Variants in PRKCH observed in about 807,000 individuals in gnomAD.
PRKCH encodes protein kinase C eta, also known as protein kinase C eta type.
PRKCH carries 28 observed loss-of-function variants against 82.5 expected under a neutral mutation model. The ratio of observed to expected loss-of-function variants is 0.34; its 90% CI spans 0.25 to 0.47. The LOEUF (loss-of-function observed/expected upper bound fraction) is 0.47, where lower values mean the gene tolerates loss of function less well. Ranked by LOEUF, PRKCH falls within the 20% of genes least tolerant of loss-of-function variation. The pLI is 1.00. For missense variants in PRKCH, 705 were observed against 881.8 expected (o/e 0.80, Z 2.54); for synonymous variants, 322 against 327.4 (o/e 0.98, Z 0.18).
intron 1 of PRKCH, among the ~76,000 whole-genome samples, chr14:61,235,314 C>G (rs1162623871): frequency 6.6e-6 from 1 of 152,232 alleles, no homozygotes; most frequent in Non-Finnish European, 1.5e-5. Context: ...AAACAGCATG[C>G]AATTCAGCTC....
At chr14:61,202,519 C>G (rs1224303115) in intron 1 of PRKCH, among the ~76,000 whole-genome samples, 1 of 152,164 alleles carries the variant, frequency 6.6e-6, no homozygotes, top group Non-Finnish European at 1.5e-5. Context: ...ATACAGGCCA[C>G]TTCAAAAGCA....
intron 1 of PRKCH, among the ~76,000 whole-genome samples, chr14:61,294,127 A>AT (rs531977419): frequency 0.031 from 4,561 of 146,824 alleles, 155 homozygotes; most frequent in East Asian, 0.13. Context: ...TTTTATTTTT[A>AT]TTTTTTTTTT....
chr14:61,200,051 G>A (rs756217675), intron 1 of PRKCH, among the ~76,000 whole-genome samples: 1 of 152,120 alleles, frequency 6.6e-6, no homozygotes, highest in Non-Finnish European at 1.5e-5. Context: ...CCCTTTAAAT[G>A]TATTAACAAG....
At chr14:61,514,251 G>A (rs1163011398) in intron 10 of PRKCH, among the ~76,000 whole-genome samples, 1 of 148,682 alleles carries the variant, frequency 6.7e-6, no homozygotes, top group Non-Finnish European at 1.5e-5. Flanking sequence ...TCCTGCAGTA[G>A]CCAGTTAAAT....
At position 61,280,100 on chromosome 14, in the gene PRKCH, C is replaced by A. The variant is rs2045242807; in HGVS notation, c.-19+92432C>A. The stretch of plus-strand genomic sequence containing the variant: ...TCCCTGGAAAGCCGGAATCACTCCT[C>A]GTCGTCGTCGTCCTGGTCCTGGTAG... On this transcript the variant is annotated intron_variant, in intron 1 of 3. Transcript: ENST00000555185. This position sits in a 1 kb window ranked among gnomAD's most constrained non-coding sequence, Gnocchi z 5.0. The A allele has an allele frequency of 1.2e-6, 2 of 1,605,234 alleles. No individual in the cohort carries two copies. The highest frequency in any genetic ancestry group is 1.7e-6 in the Non-Finnish European group (2 of 1,175,602).
At chr14:61,471,872 G>A (rs1005612999) in intron 9 of PRKCH, among the ~76,000 whole-genome samples, 6 of 152,074 alleles carry the variant, frequency 3.9e-5, no homozygotes, top group Non-Finnish European at 8.8e-5. Context: ...TGACTGTCAG[G>A]TGATTGTCTT....
chr14:61,287,168 G>T (rs1423765783), intron 1 of PRKCH, among the ~76,000 whole-genome samples: 1 of 124,532 alleles, frequency 8.0e-6, no homozygotes, highest in Non-Finnish European at 1.6e-5. Flanking sequence ...TCACACCACT[G>T]CACTTCAGCC....
chr14:61,304,985 A>T (rs2045476212), intron 1 of PRKCH: 2 of 151,420 alleles, frequency 1.3e-5, no homozygotes, highest in Admixed American at 6.6e-5. Flanking sequence ...TTTATTCTAT[A>T]TTTTTGGTTT....
At chr14:61,281,722 C>A (rs1162067377) in intron 1 of PRKCH, 1 of 166,786 alleles carries the variant, frequency 6.0e-6, no homozygotes, top group African/African-American at 2.4e-5. Flanking sequence ...CTGTTATTTG[C>A]GGGGAAAAGG....
At chr14:61,374,328 C>A (rs975269395) in intron 1 of PRKCH, among the ~76,000 whole-genome samples, 1 of 152,086 alleles carries the variant, frequency 6.6e-6, no homozygotes, top group African/African-American at 2.4e-5. Flanking sequence ...TGCAAGCTGT[C>A]AGTGGATCTA....
chr14:61,417,158 G>A (rs1258902658), intron 2 of PRKCH, among the ~76,000 whole-genome samples: 3 of 152,118 alleles, frequency 2.0e-5, no homozygotes, highest in African/African-American at 7.2e-5. Context: ...AGTATAGAAT[G>A]GGATTTTAAA....
chr14:61,430,400 T>C (rs540898391), intron 2 of PRKCH, among the ~76,000 whole-genome samples: 53 of 152,330 alleles, frequency 3.5e-4, no homozygotes, highest in African/African-American at 1.3e-3. Context: ...GGTCTGGCAG[T>C]TTCTTACAGA....
intron 9 of PRKCH, chr14:61,477,149 T>C (rs573553615): frequency 2.6e-5 from 4 of 152,204 alleles, no homozygotes; most frequent in Non-Finnish European, 5.9e-5. Flanking sequence ...GATTTCCTTC[T>C]CCTTTCCCCC....
chr14:61,280,873 C>T lies in PRKCH; in HGVS notation c.-19+93205C>T. The T allele has an allele frequency of 1.3e-6, 2 of 1,565,382 alleles. No homozygotes were observed. ...CAGCGAGAAGTACCAGGCGCACGAG[C>T]AGGGGGGCGGCAGCGCCCGGCCCTG... On this transcript the variant is annotated intron_variant, in intron 1 of 3. Coordinates refer to the PRKCH transcript ENST00000555185. This position sits in a 1 kb window ranked among gnomAD's most constrained non-coding sequence, Gnocchi z 5.0.
chr14:61,361,406 A>G (rs898534492), intron 1 of PRKCH, among the ~76,000 whole-genome samples: 3 of 152,206 alleles, frequency 2.0e-5, no homozygotes, highest in Non-Finnish European at 4.4e-5. Flanking sequence ...TAGGCAGAGC[A>G]GCTTTCTAAC....
intron 1 of PRKCH, among the ~76,000 whole-genome samples, chr14:61,367,958 C>G (rs1042582319): frequency 6.6e-6 from 1 of 151,976 alleles, no homozygotes; most frequent in Non-Finnish European, 1.5e-5. Context: ...TCGTGATCCG[C>G]CTGCCTTAGC....
At chr14:61,267,426 A>T (rs1594882407) in intron 1 of PRKCH, among the ~76,000 whole-genome samples, 2 of 152,264 alleles carry the variant, frequency 1.3e-5, no homozygotes, top group African/African-American at 4.8e-5. Flanking sequence ...GCATCCTTCC[A>T]GTGAGGTATA....
At chr14:61,376,379 C>G (rs1239867622) in intron 1 of PRKCH, among the ~76,000 whole-genome samples, 1 of 152,166 alleles carries the variant, frequency 6.6e-6, no homozygotes, top group East Asian at 1.9e-4. Flanking sequence ...GTGGATGACT[C>G]TACCTGCAGC....
At position 61,190,686 on chromosome 14, in the gene PRKCH, C is replaced by T. The variant is rs373492824; in HGVS notation, c.-19+3018C>T. 1.0e-3 allele frequency among the ~76,000 whole-genome samples: 156 copies of T among 152,284 alleles called. 2 individuals are homozygous for T. The South Asian group carries it at 0.022, about 22-fold the overall frequency. On this transcript the variant is annotated intron_variant, in intron 1 of 3. Transcript: ENST00000555185. Reference sequence around the variant, plus strand: ...TTGCTGTGTTTCCACTCTAGGACCACTCTCCCACCTTTCTATTCTCTTGAA... The same window carrying T: ...TTGCTGTGTTTCCACTCTAGGACCATTCTCCCACCTTTCTATTCTCTTGAA...
Sources: allele counts gnomAD v4.1 joint callset (sites outside exome capture counted in the v4.1 genomes callset), GRCh38; gene constraint gnomAD v4.1.1; non-coding constraint Gnocchi (gnomAD v3.1); transcripts MANE v1.5; gene names NCBI Gene and HGNC (gene_info 2026-07-23, HGNC 2026-07-21).